PTPN13: variants seen among roughly 807,000 people sequenced by gnomAD.
PTPN13 encodes protein tyrosine phosphatase non-receptor type 13, also known as tyrosine-protein phosphatase non-receptor type 13.
Under a neutral mutation model 284.0 loss-of-function variants are expected in PTPN13, and 191 were observed. The ratio of observed to expected loss-of-function variants is 0.67; its 90% CI spans 0.60 to 0.76. The LOEUF (loss-of-function observed/expected upper bound fraction) is 0.76. PTPN13 is among the 30% of genes least tolerant of loss of function. The pLI is 0.00. For missense variants in PTPN13, 2,797 were observed against 2,939.9 expected (o/e 0.95, Z 1.12); for synonymous variants, 986 against 1,022.3 (o/e 0.96, Z 0.68).
chr4:86,732,152 C>G (rs1735017800), intron 10 of PTPN13, among the ~76,000 whole-genome samples: 1 of 152,052 alleles, frequency 6.6e-6, no homozygotes, highest in Non-Finnish European at 1.5e-5. Flanking sequence ...TGTTTGACAT[C>G]AATAGTAGAA....
chr4:86,690,034 G>T, intron 5 of PTPN13: 1 of 273,652 alleles, frequency 3.7e-6, no homozygotes, highest in South Asian at 1.2e-4. Context: ...TGGCTGCCAG[G>T]AATGTATTCA....
chr4:86,667,605 A>T (rs1727228991), intron 2 of PTPN13, among the ~76,000 whole-genome samples: 1 of 152,228 alleles, frequency 6.6e-6, no homozygotes, highest in Non-Finnish European at 1.5e-5. Context: ...TATTGATTTA[A>T]CAATGTATGT....
intron 20 of PTPN13, among the ~76,000 whole-genome samples, chr4:86,753,766 A>T (rs1156702677): frequency 6.6e-6 from 1 of 152,062 alleles, no homozygotes; most frequent in Non-Finnish European, 1.5e-5. Context: ...AACAACTTTC[A>T]TGAGTAGAAA....
At chr4:86,700,937 G>T (rs1288249723) in intron 6 of PTPN13, among the ~76,000 whole-genome samples, 1 of 152,138 alleles carries the variant, frequency 6.6e-6, no homozygotes, top group Admixed American at 6.6e-5. Flanking sequence ...TTCCAAACTG[G>T]ATAGTTGTCT....
At chr4:86,640,093 G>GT (rs963229664) in intron 2 of PTPN13, among the ~76,000 whole-genome samples, 1 of 152,070 alleles carries the variant, frequency 6.6e-6, no homozygotes, top group African/African-American at 2.4e-5. Flanking sequence ...AAGCTTTGTT[G>GT]TTTTTGTTGT....
chr4:86,758,387 TG>T (rs1162562925), intron 21 of PTPN13, 38 bp downstream of exon 21: 1 of 1,502,260 alleles, frequency 6.7e-7, no homozygotes, highest in Admixed American at 1.8e-5. Flanking sequence ...CTATGATTGT[TG>T]GGGATTCAGA....
chr4:86,636,880 G>GA (rs1723082221), intron 2 of PTPN13, among the ~76,000 whole-genome samples: 1 of 151,972 alleles, frequency 6.6e-6, no homozygotes, highest in Non-Finnish European at 1.5e-5. Context: ...AAAAATTAAT[G>GA]AATCCAGGAG....
At chr4:86,639,286 A>G (rs906322945) in intron 2 of PTPN13, among the ~76,000 whole-genome samples, 38 of 152,244 alleles carry the variant, frequency 2.5e-4, no homozygotes, top group Middle Eastern at 6.8e-3. Flanking sequence ...TCAGGGATCT[A>G]GAACTAGAAA....
intron 42 of PTPN13, 148 bp from the exon 43 acceptor site, chr4:86,803,561 C>G (rs1744299750): frequency 1.2e-6 from 1 of 808,294 alleles, no homozygotes; most frequent in East Asian, 2.7e-5. Context: ...GAACTGCACT[C>G]CATCGTAGGC....
chr4:86,801,858 A>G (rs781323494), intron 42 of PTPN13, among the ~76,000 whole-genome samples: 3 of 152,162 alleles, frequency 2.0e-5, no homozygotes, highest in Non-Finnish European at 4.4e-5. Context: ...TCTGCAATCA[A>G]GCTGTTCGTA....
chr4:86,649,893 T>G (rs1724879372), intron 2 of PTPN13, among the ~76,000 whole-genome samples: 1 of 152,238 alleles, frequency 6.6e-6, no homozygotes, highest in Non-Finnish European at 1.5e-5. Context: ...TAATTTTTAT[T>G]TAAACATTTA....
At chr4:86,647,107 G>A (rs2148788367) in intron 2 of PTPN13, among the ~76,000 whole-genome samples, 1 of 152,216 alleles carries the variant, frequency 6.6e-6, no homozygotes. Context: ...AGAGCATGAG[G>A]AAACTTTTAG....
intron 1 of PTPN13, among the ~76,000 whole-genome samples, chr4:86,627,970 T>C (rs1722029155): frequency 6.6e-6 from 1 of 152,188 alleles, no homozygotes; most frequent in Non-Finnish European, 1.5e-5. Flanking sequence ...TGTTGATAGA[T>C]ATTTGCTTGT....
chr4:86,693,278 C>G (rs1428304717), intron 5 of PTPN13, among the ~76,000 whole-genome samples: 1 of 152,018 alleles, frequency 6.6e-6, no homozygotes, highest in Non-Finnish European at 1.5e-5. Flanking sequence ...AAGAAGACTT[C>G]AAGTTTACTG....
Position 86,799,114 on chromosome 4 carries a change from C to T in PTPN13, c.6415C>T (p.Pro2139Ser). Residue 2139 changes from proline (P) to serine (S), a missense_variant, in exon 42 of 48, where the codon CCA becomes TCA. Physicochemically the swap from Pro to Ser is moderately conservative, Grantham distance 74. Coordinates refer to ENST00000411767, the MANE Select transcript of PTPN13 (RefSeq NM_080683.3). The stretch of plus-strand genomic sequence containing the variant: ...TTGTTTTCATAGCTTAATTCAGAAG[C>T]CACAAGAAAAGAAGACTGATGATGA... ...KVKSESLIQK[P>S]QEKKTDDDEI... is the part of the protein sequence containing the mutation. 6.3e-7 allele frequency: 1 copy of T among 1,576,000 alleles called. No individual in the cohort carries two copies. The highest frequency in any genetic ancestry group is 8.6e-7 in the Non-Finnish European group (1 of 1,162,940).
rs1188423416 is a variant in PTPN13 at position 86,809,866 on chromosome 4, A to G, written c.7181A>G (p.Tyr2394Cys). Residue 2394 changes from tyrosine (Y) to cysteine (C), a missense_variant, in exon 46 of 48, where the codon TAC (tyrosine) becomes TGC (cysteine). Transcript: ENST00000411767. The stretch of plus-strand genomic sequence containing the variant: ...GATGATCTGCTTACTTTTATCTCCT[A>G]CATGAGACACATCCACAGATCAGGC... ...QPDDLLTFIS[Y>C]MRHIHRSGPI... 8 of 1,614,010 alleles carry G rather than the reference A, an allele frequency of 5.0e-6. No homozygotes were observed. In the Admixed American group the frequency reaches 5.0e-5, roughly 10 times the overall value.
At chr4:86,743,260 A>G (rs1473442380) in intron 16 of PTPN13, among the ~76,000 whole-genome samples, 1 of 152,178 alleles carries the variant, frequency 6.6e-6, no homozygotes, top group Non-Finnish European at 1.5e-5. Context: ...CATAATTAAT[A>G]TGAACCTCTA....
At chr4:86,620,387 G>A (rs1327769411) in intron 1 of PTPN13, among the ~76,000 whole-genome samples, 1 of 152,086 alleles carries the variant, frequency 6.6e-6, no homozygotes, top group African/African-American at 2.4e-5. Flanking sequence ...CTGGACTCCT[G>A]AGCTCAAGCA....
At chr4:86,665,100 AGT>A (rs1726913889) in intron 2 of PTPN13, among the ~76,000 whole-genome samples, 2 of 152,152 alleles carry the variant, frequency 1.3e-5, no homozygotes, top group Non-Finnish European at 2.9e-5. Context: ...TTTGTTGCCA[AGT>A]AGCATAGTTC....
Sources: gnomAD v4.1 joint callset for allele counts (sites outside exome capture counted in the v4.1 genomes callset) on GRCh38, gnomAD v4.1.1 for gene constraint, MANE v1.5 for transcripts, NCBI Gene and HGNC (gene_info 2026-07-23, HGNC 2026-07-21) for gene names.